Variants in PDE4B observed in about 807,000 individuals in gnomAD.
The protein encoded by PDE4B is phosphodiesterase 4B.
Under a neutral mutation model 82.2 loss-of-function variants are expected in PDE4B, and 20 were observed. The ratio of observed to expected loss-of-function variants is 0.24; its 90% CI spans 0.17 to 0.35. The LOEUF (loss-of-function observed/expected upper bound fraction) is 0.35, where lower values mean the gene tolerates loss of function less well. Among genes scored for constraint, PDE4B ranks in the 10% least tolerant of loss-of-function variants. PDE4B has a pLI of 1.00. For missense variants in PDE4B, 655 were observed against 907.2 expected (o/e 0.72, Z 3.57); for synonymous variants, 320 against 318.9 (o/e 1.00, Z -0.04).
intron 7 of PDE4B, among the ~76,000 whole-genome samples, chr1:66,301,761 A>G (rs966092663): frequency 2.0e-5 from 3 of 152,190 alleles, no homozygotes; most frequent in Non-Finnish European, 4.4e-5. Flanking sequence ...CCCAGCAGGC[A>G]TAATTGAGTT....
chr1:65,979,512 A>C (rs1650577596), intron 3 of PDE4B, among the ~76,000 whole-genome samples: 1 of 152,252 alleles, frequency 6.6e-6, no homozygotes, highest in African/African-American at 2.4e-5. Context: ...TCAGGCGTTC[A>C]GTGGTACCCT....
At chr1:66,088,843 T>G (rs569297110) in intron 3 of PDE4B, among the ~76,000 whole-genome samples, 1 of 152,238 alleles carries the variant, frequency 6.6e-6, no homozygotes, top group African/African-American at 2.4e-5. Context: ...ACAGATCATG[T>G]CATTTCTAGG....
chr1:66,323,020 C>G (rs1310501285), intron 7 of PDE4B, among the ~76,000 whole-genome samples: 1 of 152,072 alleles, frequency 6.6e-6, no homozygotes, highest in African/African-American at 2.4e-5. Context: ...TTTCTAGTCT[C>G]TAGATTTCAT....
intron 3 of PDE4B, among the ~76,000 whole-genome samples, chr1:66,243,777 T>A (rs1178677085): frequency 2.6e-5 from 4 of 152,154 alleles, no homozygotes; most frequent in Non-Finnish European, 1.5e-5. Context: ...AGGTCTCAGA[T>A]GAGCAATTGA....
At chr1:65,849,966 A>G (rs1379953181) in intron 1 of PDE4B, among the ~76,000 whole-genome samples, 2 of 152,138 alleles carry the variant, frequency 1.3e-5, no homozygotes, top group Non-Finnish European at 2.9e-5. Context: ...ACAGTCACTG[A>G]GTCATATGTT....
intron 3 of PDE4B, among the ~76,000 whole-genome samples, chr1:66,036,132 A>G (rs1045602080): frequency 6.6e-6 from 1 of 152,160 alleles, no homozygotes; most frequent in Non-Finnish European, 1.5e-5. Flanking sequence ...TCTTCTTTTG[A>G]GAAATGTTTA....
intron 3 of PDE4B, among the ~76,000 whole-genome samples, chr1:66,151,253 T>A (rs1646388098): frequency 6.6e-6 from 1 of 152,086 alleles, no homozygotes; most frequent in South Asian, 2.1e-4. Context: ...TAAGGAGCAA[T>A]TAGAAAGCAA....
intron 1 of PDE4B, among the ~76,000 whole-genome samples, chr1:65,840,949 G>C (rs1646199974): frequency 6.6e-6 from 1 of 152,150 alleles, no homozygotes. Context: ...TACAGGTGTA[G>C]GGTATTTTGA....
intron 2 of PDE4B, among the ~76,000 whole-genome samples, chr1:65,914,518 C>T (rs1647135857): frequency 6.9e-6 from 1 of 145,448 alleles, no homozygotes; most frequent in South Asian, 2.2e-4. Context: ...AGGGCATTTC[C>T]TTAAGTTATA....
At chr1:65,901,658 A>C (rs1182288358) in intron 1 of PDE4B, among the ~76,000 whole-genome samples, 3 of 151,936 alleles carry the variant, frequency 2.0e-5, no homozygotes, top group Non-Finnish European at 4.4e-5. Flanking sequence ...TTGAAGTTTC[A>C]ATTTCTTTCT....
intron 3 of PDE4B, among the ~76,000 whole-genome samples, chr1:65,965,835 C>G (rs1557463724): frequency 6.6e-6 from 1 of 152,020 alleles, no homozygotes; most frequent in South Asian, 2.1e-4. Context: ...AGGCCTGCAA[C>G]AAAATTCAAC....
chr1:66,018,799 CAAAGAATGTGATCT>C (rs1467834975), intron 3 of PDE4B, among the ~76,000 whole-genome samples: 2 of 151,980 alleles, frequency 1.3e-5, no homozygotes, highest in African/African-American at 2.4e-5. Context: ...CCTCTATGTG[CAAAGAATGTGATCT>C]AAAGAATGTG....
At chr1:66,274,718 GC>G (rs1452491620) in intron 7 of PDE4B, among the ~76,000 whole-genome samples, 3 of 152,148 alleles carry the variant, frequency 2.0e-5, no homozygotes, top group South Asian at 2.1e-4. Context: ...CATGTATAAA[GC>G]ATGTAGAAAG....
intron 3 of PDE4B, among the ~76,000 whole-genome samples, chr1:66,208,206 A>C (rs1204900071): frequency 6.6e-6 from 1 of 152,034 alleles, no homozygotes; most frequent in African/African-American, 2.4e-5. Flanking sequence ...CATTCTTATA[A>C]TTGTACCTTC....
chr1:66,367,561 T>C, intron 13 of PDE4B, 135 bp from the exon 14 acceptor site: 2 of 703,868 alleles, frequency 2.8e-6, no homozygotes, highest in East Asian at 2.8e-5. Context: ...ACTGCTTCTC[T>C]AAGAGGAAAT....
chr1:66,272,707 G>T (rs182229170), intron 7 of PDE4B, among the ~76,000 whole-genome samples: 4 of 149,744 alleles, frequency 2.7e-5, no homozygotes, highest in African/African-American at 9.8e-5. Flanking sequence ...CATTGTGGTG[G>T]TCCTCCAACT....
At chr1:66,133,923 C>G (rs1277327882) in intron 3 of PDE4B, among the ~76,000 whole-genome samples, 1 of 152,082 alleles carries the variant, frequency 6.6e-6, no homozygotes, top group African/African-American at 2.4e-5. Flanking sequence ...CCCTATTTCT[C>G]CCCTGGGAGA....
intron 1 of PDE4B, among the ~76,000 whole-genome samples, chr1:65,849,079 G>A (rs1007317774): frequency 6.6e-6 from 1 of 152,292 alleles, no homozygotes; most frequent in Middle Eastern, 3.4e-3. Flanking sequence ...CATGGGATTA[G>A]CAGAATAGAA....
intron 3 of PDE4B, among the ~76,000 whole-genome samples, chr1:65,979,680 G>A (rs1171460775): frequency 1.3e-5 from 2 of 152,180 alleles, no homozygotes; most frequent in South Asian, 4.1e-4. Context: ...GGATGAAGCA[G>A]GAGGCCCTTA....
Sources: gnomAD v4.1 joint callset for allele counts (sites outside exome capture counted in the v4.1 genomes callset) on GRCh38, gnomAD v4.1.1 for gene constraint, MANE v1.5 for transcripts, NCBI Gene and HGNC (gene_info 2026-07-23, HGNC 2026-07-21) for gene names.